The following ASB4 variants were observed in gnomAD, a reference collection of about 807,000 sequenced individuals.
The protein encoded by ASB4 is ankyrin repeat and SOCS box protein 4.
ASB4 carries 35 observed loss-of-function variants against 38.6 expected under a neutral mutation model. The observed-to-expected ratio is 0.91, with a 90% CI of 0.69 to 1.20. The LOEUF (loss-of-function observed/expected upper bound fraction) is 1.20. Ranked by LOEUF, ASB4 falls within the 50% of genes most tolerant of loss-of-function variation. The probability of loss-of-function intolerance (pLI) is 0.00; values close to 1 mark genes in which losing one functional copy is unlikely to be tolerated. For synonymous variants in ASB4, 195 were observed against 201.3 expected, an observed-to-expected ratio of 0.97 and a Z score of 0.26; for missense variants, 557 against 527.2, an observed-to-expected ratio of 1.06 and a Z score of -0.55.
chr7:95,489,114 A>G (rs1790135189), intron 1 of ASB4, among the ~76,000 whole-genome samples: 1 of 152,228 alleles, frequency 6.6e-6, no homozygotes, highest in Admixed American at 6.5e-5. Context: ...TATGAAAGTC[A>G]GTGTATAATT....
At chr7:95,511,864 C>T (rs1039115875) in intron 2 of ASB4, among the ~76,000 whole-genome samples, 1 of 152,118 alleles carries the variant, frequency 6.6e-6, no homozygotes, top group Admixed American at 6.5e-5. Flanking sequence ...ACAGAGCTCT[C>T]GTTTTGTCCA....
intron 1 of ASB4, among the ~76,000 whole-genome samples, chr7:95,487,740 C>G (rs1345688240): frequency 6.6e-6 from 1 of 152,104 alleles, no homozygotes; most frequent in Non-Finnish European, 1.5e-5. Context: ...TTCATTCCCA[C>G]GAATTGAGGT....
chr7:95,525,240 C>T (rs1319868343), intron 2 of ASB4, among the ~76,000 whole-genome samples: 1 of 152,182 alleles, frequency 6.6e-6, no homozygotes, highest in Non-Finnish European at 1.5e-5. Context: ...GACTTCCAGT[C>T]TCCAGAGGTG....
upstream of ASB4, among the ~76,000 whole-genome samples, chr7:95,485,741 T>C (rs749894902): frequency 1.3e-5 from 2 of 152,216 alleles, no homozygotes; most frequent in South Asian, 2.1e-4. Context: ...ATTGACACTA[T>C]ATATTACTGA....
rs764581157 is a variant in ASB4 at position 95,495,898 on chromosome 7, C to A, written c.328C>A (p.Pro110Thr). 6.2e-7 allele frequency: 1 copy of A among 1,614,084 alleles called. No homozygotes were observed. Among genetic ancestry groups the A allele is most frequent in the South Asian group, 1.1e-5 (1 of 91,082 alleles). Residue 110 changes from proline (P) to threonine (T), a missense_variant, in exon 2 of 5, where the codon CCT becomes ACT. Physicochemically the swap from Pro to Thr is conservative, Grantham distance 38. Coordinates refer to ENST00000325885, the MANE Select transcript of ASB4 (RefSeq NM_016116.3). ...TINCRPNGKTPLHVACEMANV... is the reference protein window; with the variant it reads ...TINCRPNGKTTLHVACEMANV... Reference sequence around the variant, plus strand: ...CAACTGTAGACCCAATGGGAAAACCCCTCTTCACGTGGCTTGTGAAATGGC... The same window carrying A: ...CAACTGTAGACCCAATGGGAAAACCACTCTTCACGTGGCTTGTGAAATGGC...
Position 95,495,885 on chromosome 7 carries a change from C to T in ASB4, c.315C>T (p.Pro105=), listed in dbSNP as rs1790239650. 2 of 1,613,990 alleles carry T rather than the reference C, an allele frequency of 1.2e-6. No individual in the cohort carries two copies. The highest frequency in any genetic ancestry group is 2.7e-5 in the African/African-American group (2 of 74,896). The change falls in exon 2 of 5, where the codon CCC becomes CCT. Residue 105 remains proline (P), a synonymous_variant. Transcript: ENST00000325885. Reference sequence around the variant, plus strand: ...ACAATGCTACAATCAACTGTAGACCCAATGGGAAAACCCCTCTTCACGTGG... The same window carrying T: ...ACAATGCTACAATCAACTGTAGACCTAATGGGAAAACCCCTCTTCACGTGG... The part of the protein sequence containing the change: ...LDHNATINCR[P]NGKTPLHVAC...
At chr7:95,548,590 C>T in the ASB4 span, among the ~76,000 whole-genome samples, 4 of 152,294 alleles carry the variant, frequency 2.6e-5, no homozygotes, top group South Asian at 4.1e-4. Context: ...CAGTTGGTAG[C>T]TATTAGTGCC....
intron 2 of ASB4, among the ~76,000 whole-genome samples, chr7:95,526,025 C>T (rs113050249): frequency 6.8e-4 from 104 of 152,052 alleles, no homozygotes; most frequent in African/African-American, 1.7e-3. Context: ...ACATGGTAAA[C>T]GGATTTTTTT....
chr7:95,520,662 C>T (rs1004505458), intron 2 of ASB4, among the ~76,000 whole-genome samples: 2 of 150,720 alleles, frequency 1.3e-5, no homozygotes, highest in Non-Finnish European at 3.0e-5. Context: ...CCCATCCACA[C>T]ACACTAGAGA....
chr7:95,507,684 A>T (rs1790428757), intron 2 of ASB4, among the ~76,000 whole-genome samples: 1 of 152,210 alleles, frequency 6.6e-6, no homozygotes, highest in African/African-American at 2.4e-5. Context: ...TTCAATTGAC[A>T]ACAAGTTCTA....
chr7:95,479,349 A>G (rs745439193), intron 1 of ASB4, among the ~76,000 whole-genome samples: 26 of 152,220 alleles, frequency 1.7e-4, no homozygotes, highest in Non-Finnish European at 3.2e-4. Flanking sequence ...ATAATGCTTC[A>G]CAATATGCAA....
intron 2 of ASB4, among the ~76,000 whole-genome samples, chr7:95,520,029 G>T (rs1350587008): frequency 6.6e-6 from 1 of 152,142 alleles, no homozygotes; most frequent in Non-Finnish European, 1.5e-5. Context: ...GATGAAATGG[G>T]TAGGTTCAGT....
At chr7:95,513,030 G>C (rs1175144762) in intron 2 of ASB4, among the ~76,000 whole-genome samples, 3 of 151,974 alleles carry the variant, frequency 2.0e-5, no homozygotes, top group Admixed American at 6.6e-5. Context: ...ACCTTTTTTG[G>C]CTATAGTTAG....
chr7:95,506,176 G>A (rs775088922), intron 2 of ASB4, among the ~76,000 whole-genome samples: 1 of 152,154 alleles, frequency 6.6e-6, no homozygotes, highest in Non-Finnish European at 1.5e-5. Flanking sequence ...GGAATTATAG[G>A]TGTGAGGCAT....
chr7:95,488,756 T>C (rs914538217), intron 1 of ASB4, among the ~76,000 whole-genome samples: 11 of 152,226 alleles, frequency 7.2e-5, no homozygotes, highest in Non-Finnish European at 1.6e-4. Context: ...TAAATAAGTG[T>C]GCAGCTTGAT....
intron 2 of ASB4, among the ~76,000 whole-genome samples, chr7:95,518,682 A>T (rs75443247): frequency 0.034 from 5,227 of 152,324 alleles, 305 homozygotes; most frequent in African/African-American, 0.12. Flanking sequence ...ACTAACTCAA[A>T]CTGAGTCCAA....
chr7:95,475,297 C>T (rs138952846), upstream of ASB4, among the ~76,000 whole-genome samples: 36 of 152,308 alleles, frequency 2.4e-4, 1 homozygote, highest in Admixed American at 6.5e-5. Context: ...TCCCTCCCCA[C>T]GCCCACCTGG....
At chr7:95,488,665 G>C (rs1790128281) in intron 1 of ASB4, among the ~76,000 whole-genome samples, 1 of 152,198 alleles carries the variant, frequency 6.6e-6, no homozygotes, top group South Asian at 2.1e-4. Flanking sequence ...AGAAGTTTTG[G>C]ACCTTGGACG....
intron 2 of ASB4, among the ~76,000 whole-genome samples, chr7:95,514,898 C>T (rs2116622147): frequency 6.6e-6 from 1 of 152,300 alleles, no homozygotes; most frequent in Non-Finnish European, 1.5e-5. Flanking sequence ...GAGATAAAGG[C>T]AGAAATGCAA....
Sources: allele counts gnomAD v4.1 joint callset (sites outside exome capture counted in the v4.1 genomes callset), GRCh38; gene constraint gnomAD v4.1.1; transcripts MANE v1.5; gene names NCBI Gene and HGNC (gene_info 2026-07-23, HGNC 2026-07-21).